The following SCUBE1 variants were observed in gnomAD, a reference collection of about 807,000 sequenced individuals.
SCUBE1 encodes the protein signal peptide, CUB and EGF-like domain-containing protein 1.
In SCUBE1, 59 loss-of-function variants were observed where a neutral mutation model predicts 124.4. That is an observed-to-expected ratio of 0.47 (90% CI 0.38 to 0.59). SCUBE1 has a LOEUF of 0.59. Among genes scored for constraint, SCUBE1 ranks in the 20% least tolerant of loss-of-function variants. SCUBE1 has a pLI of 0.00. For missense variants in SCUBE1, 1,150 were observed against 1,371.2 expected, an observed-to-expected ratio of 0.84 and a Z score of 2.55; for synonymous variants, 545 against 550.9, an observed-to-expected ratio of 0.99 and a Z score of 0.15.
rs129415 is a variant in SCUBE1, at chr22:43,227,389, C to T, written c.1192G>A (p.Gly398Arg). 14 of 1,610,074 alleles carry T rather than the reference C, an allele frequency of 8.7e-6. No homozygotes were observed. The highest frequency in any genetic ancestry group is 1.7e-5 in the Admixed American group (1 of 59,698). The change falls in exon 10 of 22, where the codon GGG (glycine) becomes AGG (arginine). Residue 398 changes from glycine to arginine, a missense_variant. Gly to Arg is a moderately radical substitution (Grantham distance 125). This residue lies in a region of SCUBE1 where 757 missense variants were observed against 840.9 expected (regional missense o/e 0.90). Coordinates refer to ENST00000360835, the MANE Select transcript of SCUBE1 (RefSeq NM_173050.5). ...CPPGRRLHWN[G>R]KDCVETGKCL... Reference sequence around the variant, plus strand: ...GGCCACCTACCCACGCAATCCTTCCCGTTCCAGTGGAGCCGCCTCCCCGGG... The same window carrying T: ...GGCCACCTACCCACGCAATCCTTCCTGTTCCAGTGGAGCCGCCTCCCCGGG...
chr22:43,341,081 GCACACA>G (rs34927467), intron 1 of SCUBE1, among the ~76,000 whole-genome samples: 12 of 142,458 alleles, frequency 8.4e-5, no homozygotes, highest in Middle Eastern at 7.1e-3. Context: ...TGACCCCCCT[GCACACA>G]CACACACACA....
chr22:43,258,418 A>C lies in SCUBE1; in HGVS notation c.611-83T>G, dbSNP rs1601835604. ...TTTGCCGGTGTTGGCGGCTGCCTTCAGGGTATGGGGAAACTGAGGCCTAAG... is the reference window on the plus strand; with the variant it reads ...TTTGCCGGTGTTGGCGGCTGCCTTCCGGGTATGGGGAAACTGAGGCCTAAG... On this transcript the variant is annotated intron_variant, in intron 5 of 21. Coordinates refer to ENST00000360835, the MANE Select transcript of SCUBE1 (RefSeq NM_173050.5). The surrounding 1 kb of genome is among the most constrained non-coding windows in gnomAD (Gnocchi z 5.0). The C allele has an allele frequency of 9.7e-7, 1 of 1,028,882 alleles. No individual in the cohort carries two copies. Among genetic ancestry groups the C allele is most frequent in the South Asian group, 1.3e-5 (1 of 77,964 alleles). The allele number at this position is 1,028,882 out of a possible 1,614,324, so 63.7% of individuals were successfully genotyped here.
At chr22:43,294,251 G>A (rs1183713643) in intron 3 of SCUBE1, among the ~76,000 whole-genome samples, 1 of 152,224 alleles carries the variant, frequency 6.6e-6, no homozygotes, top group African/African-American at 2.4e-5. Context: ...CTCTTGGGTG[G>A]CTTGAGGCCA....
chr22:43,339,158 A>T lies in SCUBE1; in HGVS notation c.166T>A (p.Ser56Thr), dbSNP rs1927182917. ...CCTGGCTTGCAGAGGCATTTGTAGGACTTGGGCGTGTTCTGACAGATGGCA... is the reference window on the plus strand; with the variant it reads ...CCTGGCTTGCAGAGGCATTTGTAGGTCTTGGGCGTGTTCTGACAGATGGCA... ...IDAICQNTPK[S>T]YKCLCKPGYK... Residue 56 changes from serine to threonine, a missense_variant, in exon 2 of 22, where the codon TCC (serine) becomes ACC (threonine). By Grantham distance (58) the Ser-to-Thr change is moderately conservative. Coordinates refer to ENST00000360835, the MANE Select transcript of SCUBE1 (RefSeq NM_173050.5). 5.6e-6 allele frequency: 9 copies of T among 1,613,754 alleles called. No individual in the cohort carries two copies. Among genetic ancestry groups the T allele is most frequent in the East Asian group, 2.2e-5 (1 of 44,890 alleles).
chr22:43,316,220 G>C (rs924050795), intron 3 of SCUBE1, among the ~76,000 whole-genome samples: 1 of 152,170 alleles, frequency 6.6e-6, no homozygotes, highest in Non-Finnish European at 1.5e-5. Flanking sequence ...TTTTTCAAGT[G>C]AGGAAACTAA....
At chr22:43,312,694 G>A (rs542542974) in intron 3 of SCUBE1, among the ~76,000 whole-genome samples, 2 of 152,300 alleles carry the variant, frequency 1.3e-5, no homozygotes, top group Admixed American at 1.3e-4. Context: ...GAGCTATGGG[G>A]TGGAGGCGCC....
intron 16 of SCUBE1, 38 bp from the exon 17 acceptor site, chr22:43,212,630 G>A: frequency 6.5e-7 from 1 of 1,540,848 alleles, no homozygotes; most frequent in Non-Finnish European, 8.7e-7. Context: ...GGGCAGGAGG[G>A]CACCGCAGGG....
At chr22:43,217,539 G>C (rs1170148613) in intron 15 of SCUBE1, among the ~76,000 whole-genome samples, 2 of 152,114 alleles carry the variant, frequency 1.3e-5, no homozygotes, top group Non-Finnish European at 2.9e-5. Flanking sequence ...TCCCGTAAGA[G>C]CGCGCATGAG....
chr22:43,218,263 C>T lies in SCUBE1; in HGVS notation c.1883G>A (p.Ser628Asn). The part of the protein sequence containing the change: ...ACGAGQVLQD[S>N]KCVACGPGTH... ...CATGGGCAAGGACTCACCGCATTTG[C>T]TGTCCTGTAGCACCTGGCCTGCGCC... Residue 628 changes from serine to asparagine, a missense_variant, in exon 15 of 22, where the codon AGC becomes AAC. Ser to Asn is a conservative substitution (Grantham distance 46). Transcript: ENST00000360835. The T allele has an allele frequency of 6.2e-7, 1 of 1,613,060 alleles. No homozygotes were observed. Among genetic ancestry groups the T allele is most frequent in the Non-Finnish European group, 8.5e-7 (1 of 1,179,996 alleles).
Position 43,220,567 on chromosome 22 carries a change from C to T in SCUBE1, c.1570G>A (p.Val524Met), listed in dbSNP as rs149213561. The change falls in exon 14 of 22, where the codon GTG (valine) becomes ATG (methionine). Residue 524 changes from valine (V) to methionine (M), a missense_variant. Val to Met is a conservative substitution (Grantham distance 21). This residue lies in a region of SCUBE1 where 757 missense variants were observed against 840.9 expected (regional missense o/e 0.90). Coordinates refer to ENST00000360835, the MANE Select transcript of SCUBE1 (RefSeq NM_173050.5). ...PLLDHCHVTF[V>M]TLKCDSSKKR... ...TTGGAGGAGTCACACTTGAGGGTCA[C>T]GAAAGTCACATGGCAGTGGTCTGGA... 7.4e-6 allele frequency: 12 copies of T among 1,613,950 alleles called. No individual in the cohort carries two copies. Among genetic ancestry groups the T allele is most frequent in the African/African-American group, 6.7e-5 (5 of 75,044 alleles).
intron 10 of SCUBE1, among the ~76,000 whole-genome samples, chr22:43,224,575 A>AT (rs1411733384): frequency 1.3e-5 from 2 of 152,190 alleles, no homozygotes; most frequent in Non-Finnish European, 2.9e-5. Context: ...TCAGAGGTCT[A>AT]TGATACTAGG....
At chr22:43,311,447 G>A (rs1926165746) in intron 3 of SCUBE1, among the ~76,000 whole-genome samples, 1 of 145,514 alleles carries the variant, frequency 6.9e-6, no homozygotes, top group African/African-American at 2.6e-5. Flanking sequence ...TTTGGACAGA[G>A]TCTCACTCTG....
At chr22:43,217,530 C>T (rs558775264) in intron 15 of SCUBE1, among the ~76,000 whole-genome samples, 23 of 152,278 alleles carry the variant, frequency 1.5e-4, no homozygotes, top group Admixed American at 3.3e-4. Flanking sequence ...ACTCAGCCTT[C>T]CCGTAAGAGC....
intron 3 of SCUBE1, among the ~76,000 whole-genome samples, chr22:43,300,234 AC>A (rs1925719254): frequency 6.6e-6 from 1 of 151,566 alleles, no homozygotes; most frequent in Non-Finnish European, 1.5e-5. Context: ...TACATTTCCA[AC>A]CAGCAAAGTA....
chr22:43,258,019 GCCCCAGAGAAGCCT>G lies in SCUBE1; in HGVS notation c.727+186_727+199del, dbSNP rs796661589. Among the ~76,000 whole-genome samples, 18 of 152,122 alleles carry G rather than the reference GCCCCAGAGAAGCCT, an allele frequency of 1.2e-4. No individual in the cohort carries two copies. Among genetic ancestry groups the G allele is most frequent in the African/African-American group, 4.4e-4 (18 of 41,364 alleles). ...AAAGCCTGGTCTTGGGGGGCTGCAG[GCCCCAGAGAAGCCT>G]CCCCAGAAAGCCTCCCCAGGGGCGC... On this transcript the variant is annotated intron_variant, in intron 6 of 21. Coordinates refer to ENST00000360835, the MANE Select transcript of SCUBE1 (RefSeq NM_173050.5). The surrounding 1 kb of genome is among the most constrained non-coding windows in gnomAD (Gnocchi z 5.0).
rs145038307 is a variant in SCUBE1 at position 43,217,032 on chromosome 22, C to T, written c.1891+1223G>A. Among the ~76,000 whole-genome samples the T allele has an allele frequency of 7.8e-3, 536 of 68,578 alleles. 28 individuals are homozygous for T. Among genetic ancestry groups the T allele is most frequent in the African/African-American group, 0.037 (244 of 6,658 alleles). The allele number at this position is 68,578 out of a possible 152,430, so 45.0% of individuals were successfully genotyped here. On this transcript the variant is annotated intron_variant, in intron 15 of 21. Coordinates refer to ENST00000360835, the MANE Select transcript of SCUBE1 (RefSeq NM_173050.5). Reference sequence around the variant, plus strand: ...CTCTTTACCAACAGCTTCCCCACCCCGCCAGGTGTCACCTCTTTACCAACA... The same window carrying T: ...CTCTTTACCAACAGCTTCCCCACCCTGCCAGGTGTCACCTCTTTACCAACA...
At chr22:43,299,696 T>A (rs755192533) in intron 3 of SCUBE1, among the ~76,000 whole-genome samples, 8 of 152,188 alleles carry the variant, frequency 5.3e-5, no homozygotes, top group Non-Finnish European at 1.2e-4. Flanking sequence ...TGGTTTTTAG[T>A]ATATTCACCG....
At chr22:43,330,977 C>T (rs915067244) in intron 2 of SCUBE1, among the ~76,000 whole-genome samples, 2 of 152,172 alleles carry the variant, frequency 1.3e-5, no homozygotes, top group African/African-American at 4.8e-5. Flanking sequence ...CGCCTACTGC[C>T]TTTCCTGGCC....
chr22:43,290,062 C>T (rs1393710529), intron 4 of SCUBE1, among the ~76,000 whole-genome samples: 3 of 152,184 alleles, frequency 2.0e-5, no homozygotes, highest in East Asian at 1.9e-4. Context: ...TGACAGCTCA[C>T]GACAGCCAGG....
Sources: gnomAD v4.1 joint callset for allele counts (sites outside exome capture counted in the v4.1 genomes callset) on GRCh38, gnomAD v4.1.1 for gene constraint, gnomAD v4.1.1 regional missense constraint, Gnocchi (gnomAD v3.1) non-coding constraint, MANE v1.5 for transcripts, NCBI Gene and HGNC (gene_info 2026-07-23, HGNC 2026-07-21) for gene names.